Variants in CCDC85C observed in about 807,000 individuals in gnomAD.
CCDC85C encodes the protein coiled-coil domain containing 85C, also known as coiled-coil domain-containing protein 85C.
Under a neutral mutation model 38.3 loss-of-function variants are expected in CCDC85C, and 18 were observed. The ratio of observed to expected loss-of-function variants is 0.47; its 90% CI spans 0.33 to 0.70. CCDC85C has a LOEUF of 0.70. Ranked by LOEUF, CCDC85C falls within the 30% of genes least tolerant of loss-of-function variation. The pLI is 0.03. For synonymous variants in CCDC85C, 264 were observed against 293.8 expected, an observed-to-expected ratio of 0.90 and a Z score of 1.04; for missense variants, 566 against 621.2, an observed-to-expected ratio of 0.91 and a Z score of 0.94.
intron 1 of CCDC85C, among the ~76,000 whole-genome samples, chr14:99,579,057 A>G (rs2054936435): frequency 6.6e-6 from 1 of 152,194 alleles, no homozygotes. Context: ...CAGGTGAGGA[A>G]ACTGAGGCAC....
chr14:99,503,867 A>G lies in CCDC85C; in HGVS notation c.*11379T>C. 3 of 552,976 alleles carry G rather than the reference A, an allele frequency of 5.4e-6. No homozygotes were observed. The highest frequency in any genetic ancestry group is 9.6e-6 in the Non-Finnish European group (3 of 311,854). 34.3% of individuals were successfully genotyped at this position (552,976 alleles called of 1,614,324 possible). ...ATCAGTACAGAAAACATTACTGGCA[A>G]TAAAAATGTACTCAGTAACATATAT... On this transcript the variant is annotated 3_prime_UTR_variant, in exon 6 of 6. Coordinates refer to ENST00000380243, the MANE Select transcript of CCDC85C (RefSeq NM_001144995.2).
At position 99,503,092 on chromosome 14, in the gene CCDC85C, G is replaced by T; in HGVS notation, c.*12154C>A. ...AGCACAGGGAACACCGGAAGCAGGG[G>T]GTGTTCGCCGAAACTCGCAGTCCGA... On this transcript the variant is annotated 3_prime_UTR_variant, in exon 6 of 6. Transcript: ENST00000380243. 1 of 1,284,958 alleles carries T rather than the reference G, an allele frequency of 7.8e-7. No individual in the cohort carries two copies. Among genetic ancestry groups the T allele is most frequent in the South Asian group, 1.2e-5 (1 of 84,230 alleles). The allele number at this position is 1,284,958 out of a possible 1,614,324, so 79.6% of individuals were successfully genotyped here.
Position 99,516,200 on chromosome 14 carries a change from G to T in CCDC85C, c.1158C>A (p.Arg386=), listed in dbSNP as rs572012873. The T allele has an allele frequency of 6.4e-7, 1 of 1,551,168 alleles. No homozygotes were observed. The highest frequency in any genetic ancestry group is 8.7e-7 in the Non-Finnish European group (1 of 1,146,844). Residue 386 remains arginine (R), a synonymous_variant, in exon 5 of 6, where the codon CGC becomes CGA. Coordinates refer to ENST00000380243, the MANE Select transcript of CCDC85C (RefSeq NM_001144995.2). This position sits in a 1 kb window ranked among gnomAD's most constrained non-coding sequence, Gnocchi z 5.5. ...DLSEKEKAIV[R]EMCNVVWRKL... ...CTGGAAGCCTCACGTTGCACATCTCGCGAACGATGGCCTTCTCCTTCTCAC... is the reference window on the plus strand; with the variant it reads ...CTGGAAGCCTCACGTTGCACATCTCTCGAACGATGGCCTTCTCCTTCTCAC...
intron 1 of CCDC85C, among the ~76,000 whole-genome samples, chr14:99,543,595 T>A (rs1401869586): frequency 6.6e-6 from 1 of 152,028 alleles, no homozygotes; most frequent in Admixed American, 6.6e-5. Flanking sequence ...CAAGCAGGAC[T>A]CTGACAGAGT....
intron 1 of CCDC85C, among the ~76,000 whole-genome samples, chr14:99,595,403 C>A (rs2055132663): frequency 6.6e-6 from 1 of 152,170 alleles, no homozygotes; most frequent in African/African-American, 2.4e-5. Flanking sequence ...CGTGCCACCA[C>A]ACCTGGTTAA....
At chr14:99,593,939 A>G (rs1183721634) in intron 1 of CCDC85C, among the ~76,000 whole-genome samples, 1 of 136,080 alleles carries the variant, frequency 7.3e-6, no homozygotes, top group African/African-American at 2.8e-5. Flanking sequence ...CAAAAGGTAT[A>G]TATTTTAGTA....
At position 99,558,190 on chromosome 14, in the gene CCDC85C, C is replaced by T. The variant is rs1445239922; in HGVS notation, c.794-22102G>A. On this transcript the variant is annotated intron_variant, in intron 1 of 5. Coordinates refer to ENST00000380243, the MANE Select transcript of CCDC85C (RefSeq NM_001144995.2). This position sits in a 1 kb window ranked among gnomAD's most constrained non-coding sequence, Gnocchi z 4.2. Reference sequence around the variant, plus strand: ...GCAGAGAACTCAGCCGTGTGAAAGCCACTGGCCTTCATCATCTGCCCAACA... The same window carrying T: ...GCAGAGAACTCAGCCGTGTGAAAGCTACTGGCCTTCATCATCTGCCCAACA... 6.6e-6 allele frequency among the ~76,000 whole-genome samples: 1 copy of T among 152,194 alleles called. No homozygotes were observed. The highest frequency in any genetic ancestry group is 1.5e-5 in the Non-Finnish European group (1 of 68,032).
rs1349023604 is a variant in CCDC85C at position 99,545,255 on chromosome 14, T to C, written c.794-9167A>G. Reference sequence around the variant, plus strand: ...GCCTCTCCCCAGCTTCAGGGGCCACTGGGCACCCAGCATTTAATTCCAGGA... The same window carrying C: ...GCCTCTCCCCAGCTTCAGGGGCCACCGGGCACCCAGCATTTAATTCCAGGA... On this transcript the variant is annotated intron_variant, in intron 1 of 5. Coordinates refer to ENST00000380243, the MANE Select transcript of CCDC85C (RefSeq NM_001144995.2). This position sits in a 1 kb window ranked among gnomAD's most constrained non-coding sequence, Gnocchi z 4.7. Among the ~76,000 whole-genome samples, 3 of 152,094 alleles carry C rather than the reference T, an allele frequency of 2.0e-5. No homozygotes were observed. Among genetic ancestry groups the C allele is most frequent in the Non-Finnish European group, 4.4e-5 (3 of 68,032 alleles).
At chr14:99,573,287 T>C (rs1898397281) in intron 1 of CCDC85C, among the ~76,000 whole-genome samples, 1 of 152,154 alleles carries the variant, frequency 6.6e-6, no homozygotes, top group Admixed American at 6.5e-5. Context: ...GCAGGAACCC[T>C]CAGGGAGCCG....
rs769196179 is a variant in CCDC85C at position 99,535,995 on chromosome 14, G to A, written c.867+20C>T. 269 of 1,547,240 alleles carry A rather than the reference G, an allele frequency of 1.7e-4. No homozygotes were observed. Among genetic ancestry groups the A allele is most frequent in the Middle Eastern group, 3.4e-4 (2 of 5,804 alleles). ...GCTGGGTCGCGGTCCTCAAGGCAGC[G>A]CCACCCGAAGCCGGCCTACCTGTGC... is the stretch of plus-strand genomic sequence containing the variant. On this transcript the variant is annotated intron_variant, in intron 2 of 5. Transcript: ENST00000380243. The surrounding 1 kb of genome is among the most constrained non-coding windows in gnomAD (Gnocchi z 5.5).
In CCDC85C at chr14:99,501,951, C is replaced by T. The variant is rs1387657983; in HGVS notation, c.*13295G>A. 9.0e-6 allele frequency: 3 copies of T among 333,886 alleles called. No individual in the cohort carries two copies. The highest frequency in any genetic ancestry group is 6.5e-5 in the African/African-American group (3 of 46,196). The allele number at this position is 333,886 out of a possible 1,614,324, so 20.7% of individuals were successfully genotyped here. A position where few individuals can be genotyped will look rare whatever the true frequency, so the allele number is the denominator to read the frequency against. ...CAGTTTAAATAACATAAGTCATTTT[C>T]ATTGGTGTAGCAATTTTTGGATGTG... On this transcript the variant is annotated 3_prime_UTR_variant, in exon 6 of 6. Transcript: ENST00000380243.
At chr14:99,567,168 TAGG>T (rs970391451) in intron 1 of CCDC85C, among the ~76,000 whole-genome samples, 1 of 147,000 alleles carries the variant, frequency 6.8e-6, no homozygotes, top group Non-Finnish European at 1.5e-5. Flanking sequence ...TGCGCTGATG[TAGG>T]AGGACAGATG....
At position 99,603,269 on chromosome 14, in the gene CCDC85C, C is replaced by T. The variant is rs2055226410; in HGVS notation, c.691G>A (p.Gly231Arg). ...TTGCCGTCGGGGGCCTTGTGCGGCC[C>T]GGGGGGCAGCAGCGGGGGTGGGACG... ...HHVPPPLLPP[G>R]PHKAPDGKAG... Residue 231 changes from glycine to arginine, a missense_variant, in exon 1 of 6, where the codon GGG (glycine) becomes AGG (arginine). Coordinates refer to ENST00000380243, the MANE Select transcript of CCDC85C (RefSeq NM_001144995.2). The surrounding 1 kb of genome is among the most constrained non-coding windows in gnomAD (Gnocchi z 7.5). 2 of 1,381,858 alleles carry T rather than the reference C, an allele frequency of 1.4e-6. No homozygotes were observed. Among genetic ancestry groups the T allele is most frequent in the East Asian group, 3.1e-5 (1 of 32,738 alleles). 85.6% of individuals were successfully genotyped at this position (1,381,858 alleles called of 1,614,324 possible). A position where few individuals can be genotyped will look rare whatever the true frequency, so the allele number is the denominator to read the frequency against.
At position 99,510,312 on chromosome 14, in the gene CCDC85C, C is replaced by G. The variant is rs769843517; in HGVS notation, c.*4934G>C. 1.6e-5 allele frequency: 25 copies of G among 1,564,966 alleles called. No homozygotes were observed. The African/African-American group carries it at 2.2e-4, about 14-fold the overall frequency. ...GCCACACCGGCCCCCGCCCCCACCC[C>G]CCTCCAGCTACATGACCGGGATGTC... On this transcript the variant is annotated 3_prime_UTR_variant, in exon 6 of 6. Coordinates refer to ENST00000380243, the MANE Select transcript of CCDC85C (RefSeq NM_001144995.2).
chr14:99,589,189 G>T (rs1308970762), intron 1 of CCDC85C, among the ~76,000 whole-genome samples: 1 of 150,826 alleles, frequency 6.6e-6, no homozygotes, highest in Non-Finnish European at 1.5e-5. Context: ...CAGGCAGCGG[G>T]GAGCACACAG....
rs1898299523 is a variant in CCDC85C at position 99,569,845 on chromosome 14, TC to T, written c.793+33321del. 6.6e-6 allele frequency among the ~76,000 whole-genome samples: 1 copy of T among 151,998 alleles called. No homozygotes were observed. The highest frequency in any genetic ancestry group is 6.5e-5 in the Admixed American group (1 of 15,270). ...GAGGTTAGAAAGACCCCTGTTGTAA[TC>T]CCAACTTTGGGAAGCTGAGGCGGGA... On this transcript the variant is annotated intron_variant, in intron 1 of 5. Coordinates refer to ENST00000380243, the MANE Select transcript of CCDC85C (RefSeq NM_001144995.2). This position sits in a 1 kb window ranked among gnomAD's most constrained non-coding sequence, Gnocchi z 4.3.
chr14:99,540,160 G>T (rs1251027240), intron 1 of CCDC85C, among the ~76,000 whole-genome samples: 3 of 151,882 alleles, frequency 2.0e-5, no homozygotes. Flanking sequence ...AAAAAGGGGG[G>T]GGAACGGATT....
intron 1 of CCDC85C, among the ~76,000 whole-genome samples, chr14:99,559,027 G>C (rs567890813): frequency 6.6e-6 from 1 of 151,912 alleles, no homozygotes; most frequent in African/African-American, 2.4e-5. Flanking sequence ...CCTGCAAGAC[G>C]CACCCGCCTC....
rs1388171334 is a variant in CCDC85C, at chr14:99,558,589, C to T, written c.794-22501G>A. Among the ~76,000 whole-genome samples, 1 of 152,036 alleles carries T rather than the reference C, an allele frequency of 6.6e-6. No homozygotes were observed. The highest frequency in any genetic ancestry group is 1.5e-5 in the Non-Finnish European group (1 of 68,008). On this transcript the variant is annotated intron_variant, in intron 1 of 5. Coordinates refer to ENST00000380243, the MANE Select transcript of CCDC85C (RefSeq NM_001144995.2). The surrounding 1 kb of genome is among the most constrained non-coding windows in gnomAD (Gnocchi z 4.2). ...TGAGCCAAGATTGTGCCACTGCACT[C>T]CAGCCTGGAGATAGAGCGAGACTCT...
Sources: gnomAD v4.1 joint callset for allele counts (sites outside exome capture counted in the v4.1 genomes callset) on GRCh38, gnomAD v4.1.1 for gene constraint, Gnocchi (gnomAD v3.1) non-coding constraint, MANE v1.5 for transcripts, NCBI Gene and HGNC (gene_info 2026-07-23, HGNC 2026-07-21) for gene names.